Variants in CPPED1 observed in about 807,000 individuals in gnomAD.
The protein encoded by CPPED1 is calcineurin like phosphoesterase domain containing 1, also known as serine/threonine-protein phosphatase CPPED1.
A neutral mutation model predicts 28.0 loss-of-function variants in CPPED1; 28 were observed. The observed-to-expected ratio is 1.00, with a 90% CI of 0.74 to 1.37. The LOEUF is 1.37. CPPED1 is among the 40% of genes most tolerant of loss of function. The pLI is 0.00. For missense variants in CPPED1, 504 were observed against 416.5 expected, an observed-to-expected ratio of 1.21 and a Z score of -1.83; for synonymous variants, 198 against 180.2, an observed-to-expected ratio of 1.10 and a Z score of -0.79.
At chr16:12,768,390 C>G (rs962281123) in intron 2 of CPPED1, among the ~76,000 whole-genome samples, 1 of 152,196 alleles carries the variant, frequency 6.6e-6, no homozygotes, top group Non-Finnish European at 1.5e-5. Context: ...CAAAAGGCAA[C>G]TGTTAACTAG....
chr16:12,686,096 G>A (rs2079931425), intron 3 of CPPED1, among the ~76,000 whole-genome samples: 2 of 152,124 alleles, frequency 1.3e-5, no homozygotes, highest in Admixed American at 1.3e-4. Context: ...CTGGGGTGAT[G>A]GGAGTTTCCT....
chr16:12,690,488 T>A (rs2079956582), intron 3 of CPPED1, among the ~76,000 whole-genome samples: 1 of 147,716 alleles, frequency 6.8e-6, no homozygotes, highest in Non-Finnish European at 1.5e-5. Context: ...CACTCCAGCC[T>A]GGGCAATAGC....
chr16:12,779,084 T>G (rs1414291568), intron 2 of CPPED1, among the ~76,000 whole-genome samples: 1 of 152,252 alleles, frequency 6.6e-6, no homozygotes, highest in African/African-American at 2.4e-5. Flanking sequence ...GAAATATGAC[T>G]GAATACATCA....
At position 12,664,703 on chromosome 16, in the gene CPPED1, G is replaced by A; in HGVS notation, c.*183C>T. On this transcript the variant is annotated 3_prime_UTR_variant, in exon 4 of 4. Coordinates refer to ENST00000381774, the MANE Select transcript of CPPED1 (RefSeq NM_018340.3). This position sits in a 1 kb window ranked among gnomAD's most constrained non-coding sequence, Gnocchi z 4.2. Reference sequence around the variant, plus strand: ...TCATTCGCTCCATTTTAAAGGAAATGCAGTTCTATTTTGAATATAATTCAG... The same window carrying A: ...TCATTCGCTCCATTTTAAAGGAAATACAGTTCTATTTTGAATATAATTCAG... 1 of 1,439,666 alleles carries A rather than the reference G, an allele frequency of 6.9e-7. No individual in the cohort carries two copies. Among genetic ancestry groups the A allele is most frequent in the Non-Finnish European group, 9.0e-7 (1 of 1,108,058 alleles). The allele number at this position is 1,439,666 out of a possible 1,614,324, so 89.2% of individuals were successfully genotyped here. A position where few individuals can be genotyped will look rare whatever the true frequency, so the allele number is the denominator to read the frequency against.
At chr16:12,716,610 C>T (rs561097513) in intron 2 of CPPED1, among the ~76,000 whole-genome samples, 7 of 152,300 alleles carry the variant, frequency 4.6e-5, no homozygotes, top group African/African-American at 7.2e-5. Flanking sequence ...ATTTTAAATA[C>T]GCAACCTAAT....
rs905006392 is a variant in CPPED1, at chr16:12,661,749, T to C, written c.*3137A>G. 1 of 152,500 alleles carries C rather than the reference T, an allele frequency of 6.6e-6. No homozygotes were observed. The highest frequency in any genetic ancestry group is 2.4e-5 in the African/African-American group (1 of 41,464). The allele number at this position is 152,500 out of a possible 1,614,324, so 9.4% of individuals were successfully genotyped here. On this transcript the variant is annotated 3_prime_UTR_variant, in exon 4 of 4. Coordinates refer to ENST00000381774, the MANE Select transcript of CPPED1 (RefSeq NM_018340.3). ...CAGGGCTGTGTCCCGTGACTCATTATGGTTCAGTTCGGTTTCTAAATCTCC... is the reference window on the plus strand; with the variant it reads ...CAGGGCTGTGTCCCGTGACTCATTACGGTTCAGTTCGGTTTCTAAATCTCC...
At position 12,781,095 on chromosome 16, in the gene CPPED1, C is replaced by G. The variant is rs1238571142; in HGVS notation, c.289+90G>C. 4.4e-6 allele frequency: 5 copies of G among 1,141,184 alleles called. No homozygotes were observed. The East Asian group carries it at 1.3e-4, about 29-fold the overall frequency. The allele number at this position is 1,141,184 out of a possible 1,614,324, so 70.7% of individuals were successfully genotyped here. ...AACGGTCCATGACTGAGCAAAGATG[C>G]CTTCGAAGCAAAATCTTTTTTTCTC... On this transcript the variant is annotated intron_variant, in intron 2 of 3. Transcript: ENST00000381774.
intron 2 of CPPED1, among the ~76,000 whole-genome samples, chr16:12,743,924 G>A (rs1044700345): frequency 9.2e-5 from 14 of 151,996 alleles, no homozygotes; most frequent in Non-Finnish European, 1.3e-4. Context: ...AGGTTCACGT[G>A]AGCCAGGGCG....
At chr16:12,798,950 C>A (rs1342258041) in intron 1 of CPPED1, among the ~76,000 whole-genome samples, 1 of 152,118 alleles carries the variant, frequency 6.6e-6, no homozygotes, top group Non-Finnish European at 1.5e-5. Flanking sequence ...CAGAGCCTAG[C>A]ACATTATGTT....
At chr16:12,732,904 T>G (rs912165139) in intron 2 of CPPED1, among the ~76,000 whole-genome samples, 1 of 152,118 alleles carries the variant, frequency 6.6e-6, no homozygotes, top group Admixed American at 6.6e-5. Flanking sequence ...CAAAGGTAGA[T>G]CCAACATGAG....
At chr16:12,665,174 T>G in intron 3 of CPPED1, 59 bp from the exon 4 acceptor site, 1 of 1,487,060 alleles carries the variant, frequency 6.7e-7, no homozygotes, top group Non-Finnish European at 9.0e-7. Flanking sequence ...TAACCTAGGG[T>G]CTCCAGCATT....
chr16:12,784,797 A>G (rs1429916739), intron 1 of CPPED1, among the ~76,000 whole-genome samples: 2 of 152,220 alleles, frequency 1.3e-5, no homozygotes, highest in Non-Finnish European at 2.9e-5. Flanking sequence ...ACAGCTCCCT[A>G]TAGCAAACAT....
intron 2 of CPPED1, among the ~76,000 whole-genome samples, chr16:12,729,684 C>G (rs949465633): frequency 1.3e-5 from 2 of 152,124 alleles, no homozygotes; most frequent in Admixed American, 1.3e-4. Context: ...AAAAAGCCAT[C>G]TTAAAGTCAT....
intron 3 of CPPED1, among the ~76,000 whole-genome samples, chr16:12,692,822 C>G (rs548384195): frequency 1.3e-5 from 2 of 152,278 alleles, no homozygotes; most frequent in East Asian, 3.9e-4. Flanking sequence ...ACTATAGTCC[C>G]CAGGGAGAAA....
intron 2 of CPPED1, among the ~76,000 whole-genome samples, chr16:12,710,520 A>C (rs1284778072): frequency 2.0e-5 from 3 of 152,088 alleles, no homozygotes; most frequent in Non-Finnish European, 4.4e-5. Context: ...ACGTTTGTGC[A>C]TCAAAAGACA....
chr16:12,751,591 TA>T (rs2141218778), intron 2 of CPPED1, among the ~76,000 whole-genome samples: 1 of 152,288 alleles, frequency 6.6e-6, no homozygotes, highest in South Asian at 2.1e-4. Context: ...AGCAGAAAGC[TA>T]GGAAGTCCCG....
At chr16:12,747,254 A>G (rs917547547) in intron 2 of CPPED1, among the ~76,000 whole-genome samples, 19 of 151,658 alleles carry the variant, frequency 1.3e-4, no homozygotes, top group Admixed American at 1.3e-3. Flanking sequence ...ACATGGCAAA[A>G]TCCCACCTCT....
At chr16:12,739,018 T>C (rs998812171) in intron 2 of CPPED1, among the ~76,000 whole-genome samples, 1 of 152,054 alleles carries the variant, frequency 6.6e-6, no homozygotes, top group Non-Finnish European at 1.5e-5. Flanking sequence ...GTGAGTGGGT[T>C]TGGGAGGGAG....
intron 1 of CPPED1, among the ~76,000 whole-genome samples, chr16:12,802,780 A>G (rs2080668317): frequency 6.6e-6 from 1 of 152,250 alleles, no homozygotes; most frequent in South Asian, 2.1e-4. Context: ...CCTCAGGGAA[A>G]GAACGGCCTT....
Sources: allele counts gnomAD v4.1 joint callset (sites outside exome capture counted in the v4.1 genomes callset), GRCh38; gene constraint gnomAD v4.1.1; non-coding constraint Gnocchi (gnomAD v3.1); transcripts MANE v1.5; gene names NCBI Gene and HGNC (gene_info 2026-07-23, HGNC 2026-07-21).